The following ATP8A1 variants were observed in gnomAD, a reference collection of about 807,000 sequenced individuals.
ATP8A1 encodes phospholipid-transporting ATPase IA.
A neutral mutation model predicts 177.7 loss-of-function variants in ATP8A1; 90 were observed. The observed-to-expected ratio is 0.51, with a 90% CI of 0.43 to 0.60. The LOEUF (loss-of-function observed/expected upper bound fraction) is 0.60. ATP8A1 is among the 20% of genes least tolerant of loss of function. ATP8A1 has a pLI of 0.00. For synonymous variants in ATP8A1, 493 were observed against 485.9 expected (o/e 1.01, Z -0.19); for missense variants, 1,072 against 1,392.8 (o/e 0.77, Z 3.67).
chr4:42,560,569 A>C (rs1730712503), intron 15 of ATP8A1, among the ~76,000 whole-genome samples: 1 of 139,064 alleles, frequency 7.2e-6, no homozygotes, highest in Non-Finnish European at 1.6e-5. Flanking sequence ...TCATCACTTT[A>C]ATGAGTAAGG....
chr4:42,425,088 A>C (rs991115087), intron 33 of ATP8A1, among the ~76,000 whole-genome samples: 5 of 152,222 alleles, frequency 3.3e-5, no homozygotes, highest in Non-Finnish European at 5.9e-5. Flanking sequence ...AGATTGAAAG[A>C]AGCTTTCTAG....
At chr4:42,544,156 C>A (rs1560440698) in intron 19 of ATP8A1, among the ~76,000 whole-genome samples, 170 bp from the exon 20 acceptor site, 2 of 152,094 alleles carry the variant, frequency 1.3e-5, no homozygotes, top group Non-Finnish European at 2.9e-5. Flanking sequence ...AGCTGGGCAC[C>A]TGTAAAAGTT....
rs112399180 is a variant in ATP8A1, at chr4:42,555,846, A to C, written c.1413+122T>G. 2.7e-3 allele frequency: 1,756 copies of C among 649,134 alleles called. 11 individuals carry two copies. The highest frequency in any genetic ancestry group is 0.02 in the African/African-American group (1,024 of 50,052). 40.2% of individuals were successfully genotyped at this position (649,134 alleles called of 1,614,324 possible). ...CTCAAATAACTAACTAACTAACTAAATAAATAAATAAAAGATCATGAAAGT... is the reference window on the plus strand; with the variant it reads ...CTCAAATAACTAACTAACTAACTAACTAAATAAATAAAAGATCATGAAAGT... On this transcript the variant is annotated intron_variant, in intron 16 of 36. Transcript: ENST00000381668.
intron 33 of ATP8A1, among the ~76,000 whole-genome samples, chr4:42,435,256 T>C (rs1715783672): frequency 6.6e-6 from 1 of 150,830 alleles, no homozygotes; most frequent in Non-Finnish European, 1.5e-5. Flanking sequence ...CAAAAACCCA[T>C]CTCTACTAAA....
intron 24 of ATP8A1, among the ~76,000 whole-genome samples, chr4:42,502,920 T>C (rs1328461748): frequency 1.3e-5 from 2 of 152,188 alleles, no homozygotes; most frequent in Non-Finnish European, 2.9e-5. Flanking sequence ...TCCTAACAAA[T>C]CTTTCCTCAT....
chr4:42,636,224 T>C (rs1333155786), intron 1 of ATP8A1, among the ~76,000 whole-genome samples: 2 of 144,666 alleles, frequency 1.4e-5, no homozygotes, highest in South Asian at 2.3e-4. Flanking sequence ...ATTAAGATGT[T>C]TGTATTTACT....
chr4:42,540,723 TA>T (rs113428440), intron 20 of ATP8A1, among the ~76,000 whole-genome samples: 2 of 151,208 alleles, frequency 1.3e-5, no homozygotes, highest in Admixed American at 6.6e-5. Context: ...ATGTGAGAGC[TA>T]AAAAAAATAT....
intron 27 of ATP8A1, 149 bp from the exon 28 acceptor site, chr4:42,455,748 T>C (rs1718415244): frequency 1.3e-6 from 1 of 745,336 alleles, no homozygotes; most frequent in Non-Finnish European, 2.1e-6. Flanking sequence ...TTTGGTTTAC[T>C]TTCTGATTGA....
intron 12 of ATP8A1, among the ~76,000 whole-genome samples, chr4:42,577,877 G>GT (rs983434935): frequency 7.2e-5 from 11 of 152,242 alleles, no homozygotes; most frequent in African/African-American, 2.2e-4. Context: ...TAAAACCACT[G>GT]TAAGATGTAG....
chr4:42,438,448 C>G (rs972957396), intron 33 of ATP8A1, among the ~76,000 whole-genome samples: 1 of 151,780 alleles, frequency 6.6e-6, no homozygotes, highest in Non-Finnish European at 1.5e-5. Context: ...TTTTTTTTAA[C>G]AAAATGGGTA....
intron 33 of ATP8A1, among the ~76,000 whole-genome samples, chr4:42,426,354 T>A (rs953735545): frequency 4.6e-5 from 7 of 152,354 alleles, no homozygotes; most frequent in African/African-American, 1.7e-4. Flanking sequence ...TTTACACTAT[T>A]AATATCAGAG....
intron 30 of ATP8A1, among the ~76,000 whole-genome samples, chr4:42,448,392 C>CTTACTTTACTTTTT (rs1560335169): frequency 4.8e-3 from 95 of 19,934 alleles, no homozygotes; most frequent in African/African-American, 7.3e-3. Context: ...CCCTCCTTCT[C>CTTACTTTACTTTTT]TTTCTTTTCT....
Position 42,423,701 on chromosome 4 carries a change from G to T in ATP8A1, c.3128C>A (p.Ala1043Asp). The change falls in exon 34 of 37, where the codon GCC becomes GAC. Residue 1043 changes from alanine to aspartate, a missense_variant. Around this residue, in one of 5 missense-constraint regions of ATP8A1, gnomAD observed 316 missense variants for 459.1 expected, o/e 0.69. Transcript: ENST00000381668. Reference protein sequence around the residue: ...PMAPDMSGEAAMLFSSGVFWM... With the variant: ...PMAPDMSGEADMLFSSGVFWM... ...AAAGACTCCAGAACTGAACAACATG[G>T]CTGCCTGTGTAAATCGTCAGAAAAA... 1 of 1,609,808 alleles carries T rather than the reference G, an allele frequency of 6.2e-7. No individual in the cohort carries two copies. The highest frequency in any genetic ancestry group is 1.7e-4 in the Middle Eastern group (1 of 6,052).
chr4:42,623,672 A>T (rs763028929), intron 4 of ATP8A1, among the ~76,000 whole-genome samples: 19 of 152,164 alleles, frequency 1.2e-4, no homozygotes, highest in Admixed American at 3.9e-4. Flanking sequence ...ACAGAGGGGA[A>T]CACCACATAC....
At chr4:42,497,470 A>C (rs1209391111) in intron 24 of ATP8A1, among the ~76,000 whole-genome samples, 1 of 152,202 alleles carries the variant, frequency 6.6e-6, no homozygotes, top group African/African-American at 2.4e-5. Flanking sequence ...GAAAGCATTT[A>C]TCTGCAATTC....
At chr4:42,428,546 T>C (rs1714892738) in intron 33 of ATP8A1, among the ~76,000 whole-genome samples, 1 of 152,228 alleles carries the variant, frequency 6.6e-6, no homozygotes, top group African/African-American at 2.4e-5. Flanking sequence ...TCCAAATAAT[T>C]TGCCTGTCCT....
At chr4:42,639,689 C>G (rs1339779703) in intron 1 of ATP8A1, among the ~76,000 whole-genome samples, 3 of 152,212 alleles carry the variant, frequency 2.0e-5, no homozygotes, top group South Asian at 4.1e-4. Flanking sequence ...CTGTGAGAAC[C>G]TGCAAAATAG....
At chr4:42,598,512 T>C (rs1734940941) in intron 6 of ATP8A1, among the ~76,000 whole-genome samples, 1 of 152,154 alleles carries the variant, frequency 6.6e-6, no homozygotes, top group Non-Finnish European at 1.5e-5. Context: ...CTGTTTATTT[T>C]TGCAAATCAG....
intron 27 of ATP8A1, among the ~76,000 whole-genome samples, chr4:42,457,227 T>TCA (rs1718583932): frequency 6.6e-6 from 1 of 152,322 alleles, no homozygotes; most frequent in African/African-American, 2.4e-5. Context: ...CTGAGCATCT[T>TCA]CACATGAAGT....
Sources: gnomAD v4.1 joint callset for allele counts (sites outside exome capture counted in the v4.1 genomes callset) on GRCh38, gnomAD v4.1.1 for gene constraint, gnomAD v4.1.1 regional missense constraint, MANE v1.5 for transcripts, NCBI Gene and HGNC (gene_info 2026-07-23, HGNC 2026-07-21) for gene names.